Variants in AGBL4 observed in about 807,000 individuals in gnomAD.
AGBL4 encodes AGBL carboxypeptidase 4.
AGBL4 carries 58 observed loss-of-function variants against 66.4 expected under a neutral mutation model. The ratio of observed to expected loss-of-function variants is 0.87; its 90% confidence interval spans 0.71 to 1.09. The LOEUF is 1.09. AGBL4 is among the 50% of genes least tolerant of loss of function. AGBL4 has a pLI of 0.00. For missense variants in AGBL4, 579 were observed against 631.0 expected, an observed-to-expected ratio of 0.92 and a Z score of 0.88; for synonymous variants, 234 against 222.9, an observed-to-expected ratio of 1.05 and a Z score of -0.44.
At chr1:48,804,092 C>T (rs1313735710) in intron 6 of AGBL4, among the ~76,000 whole-genome samples, 1 of 152,126 alleles carries the variant, frequency 6.6e-6, no homozygotes, top group East Asian at 1.9e-4. Flanking sequence ...CTCACAAACA[C>T]TAGCTCTTAT....
intron 3 of AGBL4, among the ~76,000 whole-genome samples, chr1:49,461,814 G>C (rs1437277937): frequency 6.6e-6 from 1 of 151,538 alleles, no homozygotes; most frequent in East Asian, 1.9e-4. Context: ...CTCTTTTATG[G>C]CTCCATAGTA....
At chr1:49,296,534 TGTCTAAATGATTTTTAAG>T (rs1644646501) in intron 3 of AGBL4, among the ~76,000 whole-genome samples, 1 of 152,178 alleles carries the variant, frequency 6.6e-6, no homozygotes, top group South Asian at 2.1e-4. Flanking sequence ...GTTAGGAGTA[TGTCTAAATGATTTTTAAG>T]GTCTCTAATA....
chr1:49,178,552 C>T (rs980271863), intron 4 of AGBL4, among the ~76,000 whole-genome samples: 4 of 152,146 alleles, frequency 2.6e-5, no homozygotes, highest in Admixed American at 2.0e-4. Context: ...TAGGGCTTGA[C>T]ACAGGGTAGA....
At chr1:49,758,501 C>A (rs1219813242) in intron 2 of AGBL4, among the ~76,000 whole-genome samples, 1 of 152,080 alleles carries the variant, frequency 6.6e-6, no homozygotes, top group Non-Finnish European at 1.5e-5. Context: ...TGCCCAGGGT[C>A]ATGGGAGGCC....
chr1:49,819,075 GAAT>G (rs1160153423), intron 2 of AGBL4, among the ~76,000 whole-genome samples: 3 of 152,080 alleles, frequency 2.0e-5, no homozygotes, highest in Non-Finnish European at 4.4e-5. Flanking sequence ...ATTCTTAGGA[GAAT>G]TAGAGATAAA....
At chr1:49,485,784 G>A (rs547428784) in intron 3 of AGBL4, among the ~76,000 whole-genome samples, 7 of 151,836 alleles carry the variant, frequency 4.6e-5, no homozygotes, top group South Asian at 4.2e-4. Flanking sequence ...GTTGATCTCA[G>A]GAGACAGAGG....
intron 2 of AGBL4, among the ~76,000 whole-genome samples, chr1:49,722,092 G>T (rs1648653645): frequency 6.6e-6 from 1 of 152,116 alleles, no homozygotes. Context: ...GGGCCCTTGT[G>T]AGGGTTGAGG....
intron 1 of AGBL4, among the ~76,000 whole-genome samples, chr1:49,921,347 A>G (rs978476840): frequency 6.6e-6 from 1 of 152,208 alleles, no homozygotes; most frequent in African/African-American, 2.4e-5. Context: ...ACTCACTAAG[A>G]GCAATGCAAT....
chr1:48,540,157 T>C (rs1644041857), intron 11 of AGBL4, among the ~76,000 whole-genome samples: 1 of 152,110 alleles, frequency 6.6e-6, no homozygotes, highest in Non-Finnish European at 1.5e-5. Context: ...ATTTGTTGCA[T>C]ATAGACAAGG....
chr1:49,908,623 A>G (rs1312965631), intron 1 of AGBL4, among the ~76,000 whole-genome samples: 2 of 152,082 alleles, frequency 1.3e-5, no homozygotes, highest in African/African-American at 4.8e-5. Context: ...GTTTCTCCAT[A>G]AGAACACAGG....
intron 11 of AGBL4, among the ~76,000 whole-genome samples, chr1:48,581,308 C>T (rs1347112472): frequency 1.3e-5 from 2 of 152,192 alleles, no homozygotes; most frequent in South Asian, 2.1e-4. Context: ...TTTGATATCT[C>T]AGCATCTTCT....
intron 3 of AGBL4, among the ~76,000 whole-genome samples, chr1:49,666,443 G>C (rs1056159010): frequency 1.3e-5 from 2 of 152,112 alleles, no homozygotes; most frequent in South Asian, 4.1e-4. Context: ...GCAAGCACCT[G>C]TAATCCCAGC....
chr1:48,886,553 T>A (rs1001651008), intron 5 of AGBL4, among the ~76,000 whole-genome samples: 1 of 152,092 alleles, frequency 6.6e-6, no homozygotes, highest in African/African-American at 2.4e-5. Flanking sequence ...TTTTTTATTT[T>A]TTATTTATTA....
intron 6 of AGBL4, among the ~76,000 whole-genome samples, chr1:48,741,597 C>A (rs192334587): frequency 2.4e-3 from 359 of 152,358 alleles, no homozygotes; most frequent in Non-Finnish European, 3.4e-3. Flanking sequence ...AAAACTAATA[C>A]GTTTCATTTC....
intron 1 of AGBL4, among the ~76,000 whole-genome samples, chr1:49,947,987 T>TAAAAAAA (rs1655436597): frequency 9.9e-6 from 1 of 100,668 alleles, no homozygotes; most frequent in Non-Finnish European, 1.8e-5. Context: ...TAAATATATA[T>TAAAAAAA]TTATATATAT....
intron 3 of AGBL4, among the ~76,000 whole-genome samples, chr1:49,320,812 T>C (rs1413295834): frequency 6.6e-6 from 1 of 152,116 alleles, no homozygotes; most frequent in Non-Finnish European, 1.5e-5. Flanking sequence ...AGAGGTTTAA[T>C]TGACTCACAG....
chr1:49,508,833 T>G (rs1165391686), intron 3 of AGBL4, among the ~76,000 whole-genome samples: 3 of 151,974 alleles, frequency 2.0e-5, no homozygotes, highest in African/African-American at 4.8e-5. Flanking sequence ...TTCTCCTGAC[T>G]GTGGGGATTA....
the AGBL4 span, among the ~76,000 whole-genome samples, chr1:48,526,023 A>C: frequency 6.6e-6 from 1 of 152,144 alleles, no homozygotes; most frequent in Non-Finnish European, 1.5e-5. Flanking sequence ...CCTGCCTGTT[A>C]AGACAATCAT....
intron 3 of AGBL4, among the ~76,000 whole-genome samples, chr1:49,290,663 C>T (rs1644516433): frequency 6.6e-6 from 1 of 152,112 alleles, no homozygotes. Context: ...ATAAAGTTGG[C>T]CCTCAACATG....
Sources: gnomAD v4.1 joint callset for allele counts (sites outside exome capture counted in the v4.1 genomes callset) on GRCh38, gnomAD v4.1.1 for gene constraint, MANE v1.5 for transcripts, NCBI Gene and HGNC (gene_info 2026-07-23, HGNC 2026-07-21) for gene names.